Variants in NCOA1 observed in about 807,000 individuals in gnomAD.
NCOA1 encodes Hin-2 protein.
In NCOA1, 35 loss-of-function variants were observed where a neutral mutation model predicts 150.9. The ratio of observed to expected loss-of-function variants is 0.23; its 90% CI spans 0.18 to 0.31. The LOEUF is 0.31. Among genes scored for constraint, NCOA1 ranks in the 10% least tolerant of loss-of-function variants. NCOA1 has a pLI of 1.00. For synonymous variants in NCOA1, 590 were observed against 630.0 expected, an observed-to-expected ratio of 0.94 and a Z score of 0.95; for missense variants, 1,491 against 1,749.3, an observed-to-expected ratio of 0.85 and a Z score of 2.63.
At chr2:24,592,123 C>T (rs1230273371) in intron 3 of NCOA1, among the ~76,000 whole-genome samples, 2 of 152,122 alleles carry the variant, frequency 1.3e-5, no homozygotes, top group Admixed American at 6.5e-5. Flanking sequence ...TAACTGAAAA[C>T]GTCGCTAAGG....
At chr2:24,540,865 CAT>C (rs760192862) in intron 1 of NCOA1, among the ~76,000 whole-genome samples, 9 of 152,220 alleles carry the variant, frequency 5.9e-5, no homozygotes, top group South Asian at 2.1e-4. Context: ...ATTAAGAAGA[CAT>C]ATGTGTGGGA....
intron 1 of NCOA1, among the ~76,000 whole-genome samples, chr2:24,536,612 T>C (rs1367405836): frequency 2.0e-5 from 3 of 152,214 alleles, no homozygotes; most frequent in African/African-American, 7.2e-5. Context: ...TCTTTAATGT[T>C]GATGACTTAC....
At chr2:24,595,388 A>T (rs1436836470) in intron 3 of NCOA1, among the ~76,000 whole-genome samples, 1 of 152,142 alleles carries the variant, frequency 6.6e-6, no homozygotes, top group African/African-American at 2.4e-5. Flanking sequence ...ATCTGATATT[A>T]TATATAAAGT....
chr2:24,545,479 A>G, intron 1 of NCOA1, among the ~76,000 whole-genome samples: 1 of 152,224 alleles, frequency 6.6e-6, no homozygotes, highest in East Asian at 1.9e-4. Flanking sequence ...CCACTTATTT[A>G]TCTTGTACAG....
At chr2:24,715,451 A>AT (rs922283797) in intron 14 of NCOA1, among the ~76,000 whole-genome samples, 3 of 152,140 alleles carry the variant, frequency 2.0e-5, no homozygotes, top group Admixed American at 6.5e-5. Flanking sequence ...TTAAAAATGC[A>AT]TTTTTTTAAC....
Position 24,707,158 on chromosome 2 carries a change from A to T in NCOA1, c.1688A>T (p.Gln563Leu), listed in dbSNP as rs1673488976. ...TCTGCCAGTTCTCCAGTCCTCAGGCAGATGAGCTCACAGAATTCACCTAGC... is the reference window on the plus strand; with the variant it reads ...TCTGCCAGTTCTCCAGTCCTCAGGCTGATGAGCTCACAGAATTCACCTAGC... ...GFSASSPVLR[Q>L]MSSQNSPSRL... Residue 563 changes from glutamine to leucine, a missense_variant, in exon 13 of 23, where the codon CAG (glutamine) becomes CTG (leucine). Gln to Leu is a moderately radical substitution (Grantham distance 113, BLOSUM62 -2). Coordinates refer to ENST00000348332, the MANE Select transcript of NCOA1 (RefSeq NM_003743.5). The T allele has an allele frequency of 1.9e-6, 3 of 1,614,226 alleles. No homozygotes were observed. The highest frequency in any genetic ancestry group is 1.7e-6 in the Non-Finnish European group (2 of 1,180,030).
rs1665186603 is a variant in NCOA1 at position 24,768,597 on chromosome 2, G to A, written c.*206G>A. 5.4e-6 allele frequency: 2 copies of A among 367,880 alleles called. No homozygotes were observed. Among genetic ancestry groups the A allele is most frequent in the East Asian group, 8.6e-5 (2 of 23,364 alleles). 22.8% of individuals were successfully genotyped at this position (367,880 alleles called of 1,614,324 possible). ...TGTTTTTGTTTCTTTCTTTGTAAAG[G>A]CCTTGGATATTGAAAAAATACCAAG... On this transcript the variant is annotated 3_prime_UTR_variant, in exon 23 of 23. Coordinates refer to ENST00000348332, the MANE Select transcript of NCOA1 (RefSeq NM_003743.5).
chr2:24,654,471 T>G (rs1418243099), intron 4 of NCOA1, among the ~76,000 whole-genome samples: 1 of 152,190 alleles, frequency 6.6e-6, no homozygotes, highest in Non-Finnish European at 1.5e-5. Context: ...GAGGTGACAG[T>G]GGGATATCCA....
At chr2:24,609,626 A>T (rs1668532531) in intron 3 of NCOA1, among the ~76,000 whole-genome samples, 1 of 152,156 alleles carries the variant, frequency 6.6e-6, no homozygotes, top group Non-Finnish European at 1.5e-5. Context: ...GCGAGACCTC[A>T]TCTCTTAAAA....
chr2:24,746,878 A>C (rs1463788206), intron 19 of NCOA1, among the ~76,000 whole-genome samples: 1 of 152,212 alleles, frequency 6.6e-6, no homozygotes, highest in Non-Finnish European at 1.5e-5. Context: ...GTTGATAATG[A>C]GGACAGTTAT....
In NCOA1 at chr2:24,537,498, G is replaced by C. The variant is rs147833571; in HGVS notation, c.-395-26797G>C. On this transcript the variant is annotated intron_variant, in intron 1 of 22. Coordinates refer to ENST00000348332, the MANE Select transcript of NCOA1 (RefSeq NM_003743.5). Reference sequence around the variant, plus strand: ...AATATATGTATGTGTGTGTGTGTGTGTCTCTCTCTCTCTCTCTGTATATAT... The same window carrying C: ...AATATATGTATGTGTGTGTGTGTGTCTCTCTCTCTCTCTCTCTGTATATAT... Among the ~76,000 whole-genome samples, 748 of 149,526 alleles carry C rather than the reference G, an allele frequency of 5.0e-3. 3 individuals are homozygous for C. Among genetic ancestry groups the C allele is most frequent in the African/African-American group, 0.014 (564 of 40,860 alleles).
At chr2:24,740,116 A>G (rs1202677920) in intron 18 of NCOA1, among the ~76,000 whole-genome samples, 1 of 152,158 alleles carries the variant, frequency 6.6e-6, no homozygotes, top group African/African-American at 2.4e-5. Context: ...CTTTTATTTC[A>G]TAACAAAGTT....
chr2:24,622,241 C>G (rs1165179792), intron 3 of NCOA1, among the ~76,000 whole-genome samples: 1 of 152,146 alleles, frequency 6.6e-6, no homozygotes, highest in East Asian at 1.9e-4. Context: ...AATTTATCCT[C>G]ATATACCACT....
Position 24,768,317 on chromosome 2 carries a change from C to G in NCOA1, c.4252C>G (p.Gln1418Glu). The change falls in exon 23 of 23, where the codon CAA becomes GAA. Residue 1418 changes from glutamine to glutamate, a missense_variant. Coordinates refer to ENST00000348332, the MANE Select transcript of NCOA1 (RefSeq NM_003743.5). Reference protein sequence around the residue: ...YLNQPGPLGTQKPTSGPQTPQ... With the variant: ...YLNQPGPLGTEKPTSGPQTPQ... The stretch of plus-strand genomic sequence containing the variant: ...GAACCAGCCTGGTCCACTGGGAACT[C>G]AAAAGCCCACGTCAGGACCACAGAC... 6.2e-7 allele frequency: 1 copy of G among 1,613,854 alleles called. No individual in the cohort carries two copies. The highest frequency in any genetic ancestry group is 1.3e-5 in the African/African-American group (1 of 74,954).
rs1671150563 is a variant in NCOA1, at chr2:24,660,792, G to A, written c.89+2026G>A. On this transcript the variant is annotated intron_variant, in intron 5 of 22. Transcript: ENST00000348332. ...AAAGTTTCTTTGGCTGGGTACAGTG[G>A]TTCACTCCTGTAATCCCAGCACTTT... Among the ~76,000 whole-genome samples the A allele has an allele frequency of 3.9e-5, 6 of 152,016 alleles. No individual in the cohort carries two copies. In the South Asian group the frequency reaches 1.2e-3, roughly 31 times the overall value.
intron 10 of NCOA1, among the ~76,000 whole-genome samples, chr2:24,696,640 A>G (rs899216694): frequency 3.3e-5 from 5 of 152,208 alleles, no homozygotes; most frequent in African/African-American, 7.2e-5. Flanking sequence ...GTTCCTACAT[A>G]TATACACTAG....
intron 4 of NCOA1, among the ~76,000 whole-genome samples, chr2:24,648,664 A>G (rs1471973179): frequency 1.3e-5 from 2 of 152,182 alleles, no homozygotes; most frequent in African/African-American, 4.8e-5. Flanking sequence ...ATCATTTTAT[A>G]ACACCCTCAA....
intron 3 of NCOA1, among the ~76,000 whole-genome samples, chr2:24,586,978 A>T (rs1667439584): frequency 6.6e-6 from 1 of 151,876 alleles, no homozygotes; most frequent in African/African-American, 2.4e-5. Flanking sequence ...TATTCTTCCT[A>T]CTACCCTGGA....
chr2:24,666,093 G>A (rs904887315), intron 6 of NCOA1, among the ~76,000 whole-genome samples, 178 bp downstream of exon 6: 9 of 151,284 alleles, frequency 5.9e-5, no homozygotes, highest in Non-Finnish European at 1.2e-4. Context: ...CTCACTGCAA[G>A]CTCCACCTCC....
Sources: gnomAD v4.1 joint callset for allele counts (sites outside exome capture counted in the v4.1 genomes callset) on GRCh38, gnomAD v4.1.1 for gene constraint, MANE v1.5 for transcripts, NCBI Gene and HGNC (gene_info 2026-07-23, HGNC 2026-07-21) for gene names.